Variants in NUP188 observed in about 807,000 individuals in gnomAD.
The protein encoded by NUP188 is nucleoporin 188, also known as nucleoporin NUP188.
Under a neutral mutation model 223.0 loss-of-function variants are expected in NUP188, and 97 were observed. The ratio of observed to expected loss-of-function variants is 0.43; its 90% CI spans 0.37 to 0.51. The LOEUF (loss-of-function observed/expected upper bound fraction) is 0.51. Ranked by LOEUF, NUP188 falls within the 20% of genes least tolerant of loss-of-function variation. The probability of loss-of-function intolerance (pLI) is 0.00; values close to 1 mark genes in which losing one functional copy is unlikely to be tolerated. For missense variants in NUP188, 1,947 were observed against 2,175.6 expected (o/e 0.89, Z 2.09); for synonymous variants, 869 against 828.0 (o/e 1.05, Z -0.85).
intron 1 of NUP188, chr9:128,948,498 A>G (rs936249153): frequency 6.6e-6 from 1 of 152,032 alleles, no homozygotes; most frequent in African/African-American, 2.4e-5. Context: ...CTTCTATTTC[A>G]CAGATGACTC....
At chr9:128,990,309 G>T (rs540671244) in intron 25 of NUP188, 83 bp downstream of exon 25, 12 of 1,077,070 alleles carry the variant, frequency 1.1e-5, no homozygotes, top group South Asian at 5.0e-5. Flanking sequence ...CTCAGGCCAC[G>T]TGCAGCGGCT....
rs999986003 is a variant in NUP188 at position 128,970,842 on chromosome 9, C to G, written c.997C>G (p.Leu333Val). 1 of 1,614,212 alleles carries G rather than the reference C, an allele frequency of 6.2e-7. No individual in the cohort carries two copies. The highest frequency in any genetic ancestry group is 1.7e-5 in the Admixed American group (1 of 60,012). ...LLAWALLRHT[L>V]NPEETSSVVR... ...GGCCTGGGCTCTCCTCCGTCACACT[C>G]TGAACCCAGAAGAGACAAGCAGTGT... The change falls in exon 11 of 44, where the codon CTG (leucine) becomes GTG (valine). Residue 333 changes from leucine (L) to valine (V), a missense_variant. Leu to Val is a conservative substitution (Grantham distance 32, BLOSUM62 1). Transcript: ENST00000372577.
At chr9:129,004,976 G>T in intron 38 of NUP188, 171 bp from the exon 39 acceptor site, 1 of 634,572 alleles carries the variant, frequency 1.6e-6, no homozygotes, top group Admixed American at 2.6e-5. Flanking sequence ...GGGAGAGAAG[G>T]GGAGCATGAG....
rs1031872324 is a variant in NUP188, at chr9:129,001,533, G to A, written c.3848G>A (p.Cys1283Tyr). 5.6e-6 allele frequency: 9 copies of A among 1,612,734 alleles called. No individual in the cohort carries two copies. In the African/African-American group the frequency reaches 1.1e-4, roughly 19 times the overall value. The change falls in exon 35 of 44, where the codon TGT becomes TAT. Residue 1283 changes from cysteine to tyrosine, a missense_variant. Around this residue, in one of 3 missense-constraint regions of NUP188, gnomAD observed 905 missense variants for 990.6 expected, o/e 0.91. Coordinates refer to ENST00000372577, the MANE Select transcript of NUP188 (RefSeq NM_015354.3). Reference sequence around the variant, plus strand: ...CTCATCTTTGCCTCTGGGCAGGTGTGTGTCCTGGGCCTGCACCTGGCCAAG... The same window carrying A: ...CTCATCTTTGCCTCTGGGCAGGTGTATGTCCTGGGCCTGCACCTGGCCAAG... ...SRHRDQRDGV[C>Y]VLGLHLAKEL...
rs536603740 is a variant in NUP188, at chr9:128,976,012, A to G, written c.1203+2763A>G. On this transcript the variant is annotated intron_variant, in intron 12 of 43. Coordinates refer to ENST00000372577, the MANE Select transcript of NUP188 (RefSeq NM_015354.3). ...TAGTTTTTGTAATTTTAGTAGAGACAGTGTTTCCCCTTGTTGGCCAGGCTG... is the reference window on the plus strand; with the variant it reads ...TAGTTTTTGTAATTTTAGTAGAGACGGTGTTTCCCCTTGTTGGCCAGGCTG... Among the ~76,000 whole-genome samples the G allele has an allele frequency of 1.5e-4, 22 of 149,454 alleles. No homozygotes were observed. The South Asian group carries it at 4.7e-3, about 32-fold the overall frequency.
intron 12 of NUP188, among the ~76,000 whole-genome samples, chr9:128,975,660 C>T (rs1842166111): frequency 6.6e-6 from 1 of 151,876 alleles, no homozygotes; most frequent in Non-Finnish European, 1.5e-5. Context: ...ACTGAGTTTA[C>T]AGGTGTACGC....
At position 129,006,600 on chromosome 9, in the gene NUP188, T is replaced by C; in HGVS notation, c.5172T>C (p.Ser1724=). ...VLPSPQGKST[S]LSKASPESQE... ...CCTCGCCGCAGGGCAAGTCCACCTC[T>C]CTCTCCAAAGCCAGCCCTGAGAGTC... The change falls in exon 44 of 44, where the codon TCT becomes TCC. Residue 1724 remains serine (S), a synonymous_variant. Transcript: ENST00000372577. The C allele has an allele frequency of 6.2e-7, 1 of 1,614,158 alleles. No homozygotes were observed. The highest frequency in any genetic ancestry group is 8.5e-7 in the Non-Finnish European group (1 of 1,180,016).
chr9:128,989,872 A>G (rs1842389971), intron 24 of NUP188, among the ~76,000 whole-genome samples: 1 of 152,068 alleles, frequency 6.6e-6, no homozygotes, highest in Non-Finnish European at 1.5e-5. Flanking sequence ...TAAAATAAGC[A>G]CCTATTTTAT....
chr9:129,003,765 G>T (rs992957466), intron 38 of NUP188: 1 of 374,014 alleles, frequency 2.7e-6, no homozygotes, highest in Non-Finnish European at 5.0e-6. Flanking sequence ...AGGCAGTCAG[G>T]AGTTCGAGAT....
intron 36 of NUP188, 84 bp downstream of exon 36, chr9:129,002,060 G>A: frequency 8.8e-7 from 1 of 1,131,360 alleles, no homozygotes; most frequent in Admixed American, 1.8e-5. Context: ...CCTTTCCCCG[G>A]AAGTTGCTTT....
chr9:128,998,302 TCTGCCAGC>T, intron 31 of NUP188, 74 bp downstream of exon 31: 2 of 1,343,216 alleles, frequency 1.5e-6, no homozygotes, highest in South Asian at 1.2e-5. Flanking sequence ...AGGTCATGAG[TCTGCCAGC>T]CAGCCGCACA....
intron 27 of NUP188, among the ~76,000 whole-genome samples, 172 bp from the exon 28 acceptor site, chr9:128,994,199 ATG>A (rs1462330900): frequency 3.3e-5 from 5 of 152,168 alleles, no homozygotes; most frequent in Admixed American, 6.6e-5. Flanking sequence ...TGAGAGGAAA[ATG>A]TAATTTTATC....
At chr9:128,960,368 G>GC (rs1841931333) in intron 8 of NUP188, among the ~76,000 whole-genome samples, 1 of 151,930 alleles carries the variant, frequency 6.6e-6, no homozygotes, top group Admixed American at 6.6e-5. Flanking sequence ...ACCGCGCCTG[G>GC]CTATTTTATC....
intron 15 of NUP188, 69 bp downstream of exon 15, chr9:128,981,459 C>T: frequency 6.7e-7 from 1 of 1,497,074 alleles, no homozygotes; most frequent in Non-Finnish European, 9.0e-7. Flanking sequence ...GTCACCCAAG[C>T]TGGAGTGCAG....
intron 20 of NUP188, 54 bp from the exon 21 acceptor site, chr9:128,986,504 C>T: frequency 6.3e-7 from 1 of 1,578,688 alleles, no homozygotes; most frequent in South Asian, 1.2e-5. Context: ...CTCTAGGTAA[C>T]TAAATGACTT....
intron 8 of NUP188, among the ~76,000 whole-genome samples, chr9:128,959,494 T>A (rs1263078737): frequency 6.6e-6 from 1 of 151,936 alleles, no homozygotes; most frequent in African/African-American, 2.4e-5. Context: ...CAAGTTAAAT[T>A]ATTTATTCAT....
intron 13 of NUP188, among the ~76,000 whole-genome samples, chr9:128,980,398 T>C (rs924740112): frequency 3.3e-5 from 5 of 152,226 alleles, no homozygotes; most frequent in Admixed American, 3.3e-4. Flanking sequence ...CTGGATAGAA[T>C]AGTAATCTTT....
chr9:129,006,321 C>T lies in NUP188; in HGVS notation c.5026C>T (p.His1676Tyr), dbSNP rs781239860. 7 of 1,614,176 alleles carry T rather than the reference C, an allele frequency of 4.3e-6. No individual in the cohort carries two copies. In the South Asian group the frequency reaches 6.6e-5, roughly 15 times the overall value. Residue 1676 changes from histidine (H) to tyrosine (Y), a missense_variant, in exon 43 of 44, where the codon CAC becomes TAC. By Grantham distance (83) the His-to-Tyr change is moderately conservative. Around this residue, in one of 3 missense-constraint regions of NUP188, gnomAD observed 905 missense variants for 990.6 expected, o/e 0.91. Transcript: ENST00000372577. Reference sequence around the variant, plus strand: ...GCGGTACCTTAGGGACCCGGCTGTGCACCCCCGGGACAAACAGCGGATGAA... The same window carrying T: ...GCGGTACCTTAGGGACCCGGCTGTGTACCCCCGGGACAAACAGCGGATGAA... ...AMRYLRDPAV[H>Y]PRDKQRMKQE...
Position 128,999,271 on chromosome 9 carries a change from G to A in NUP188, c.3615G>A (p.Lys1205=), listed in dbSNP as rs372541573. 20 of 1,614,082 alleles carry A rather than the reference G, an allele frequency of 1.2e-5. No individual in the cohort carries two copies. The highest frequency in any genetic ancestry group is 1.7e-5 in the Non-Finnish European group (20 of 1,180,046). Residue 1205 remains lysine (K), a synonymous_variant, in exon 33 of 44, where the codon AAG becomes AAA. Transcript: ENST00000372577. The part of the protein sequence containing the change: ...DQQLMEKTKA[K]VFSAFITVLQ... ...AACTCATGGAGAAGACCAAGGCCAA[G>A]GTGTTCTCAGCATTCATCACAGTGT...
Sources: allele counts gnomAD v4.1 joint callset (sites outside exome capture counted in the v4.1 genomes callset), GRCh38; gene constraint gnomAD v4.1.1; regional missense constraint gnomAD v4.1.1; transcripts MANE v1.5; gene names NCBI Gene and HGNC (gene_info 2026-07-23, HGNC 2026-07-21).